IL1RAPL1: variants seen among roughly 807,000 people sequenced by gnomAD.
IL1RAPL1 encodes the protein interleukin 1 receptor accessory protein like 1, also known as interleukin-1 receptor accessory protein-like 1.
Under a neutral mutation model 48.4 loss-of-function variants are expected in IL1RAPL1, and 3 were observed. The observed-to-expected ratio is 0.06, with a 90% CI of 0.03 to 0.16. The LOEUF (loss-of-function observed/expected upper bound fraction) is 0.16. Among genes scored for constraint, IL1RAPL1 ranks in the 10% least tolerant of loss-of-function variants. The pLI, the probability that IL1RAPL1 is intolerant of heterozygous loss-of-function variation, is 1.00. For missense variants in IL1RAPL1, 349 were observed against 530.6 expected (o/e 0.66, Z 3.36); for synonymous variants, 185 against 187.7 (o/e 0.99, Z 0.12).
chrX:29,891,129 C>T (rs1378660793), intron 6 of IL1RAPL1, among the ~76,000 whole-genome samples: 1 of 112,088 alleles, frequency 8.9e-6, no homozygotes, highest in Non-Finnish European at 1.9e-5. Context: ...AAAGGGGTCT[C>T]TACACTCTGC....
In IL1RAPL1 at chrX:29,100,608, A is replaced by T. The variant is rs766103620; in HGVS notation, c.83-182330A>T. ...AAGTACAGAGGCATGCTTAAGTCAA[A>T]TTTAGTTTAACATGTGGTAGTTAGA... On this transcript the variant is annotated intron_variant, in intron 2 of 10. Transcript: ENST00000378993. 3.6e-5 allele frequency among the ~76,000 whole-genome samples: 4 copies of T among 112,063 alleles called. No homozygotes were observed. In the South Asian group the frequency reaches 1.5e-3, roughly 42 times the overall value.
In IL1RAPL1 at chrX:29,407,656, T is replaced by C. The variant is rs141606950; in HGVS notation, c.703+8348T>C. Among the ~76,000 whole-genome samples, 593 of 111,943 alleles carry C rather than the reference T, an allele frequency of 5.3e-3. 6 individuals are homozygous for C. The highest frequency in any genetic ancestry group is 0.018 in the African/African-American group (563 of 30,822). On this transcript the variant is annotated intron_variant, in intron 5 of 10. Transcript: ENST00000378993. ...TAAGCAAGCAATTCTGTAGGATTTT[T>C]ACCTAGGAAAGGATTTGCTCATTAA... is the stretch of plus-strand genomic sequence containing the variant.
rs564338988 is a variant in IL1RAPL1 at position 28,827,529 on chromosome X, C to G, written c.82+38104C>G. Among the ~76,000 whole-genome samples the G allele has an allele frequency of 2.7e-4, 30 of 111,493 alleles. No homozygotes were observed. In the South Asian group the frequency reaches 8.6e-3, roughly 32 times the overall value. On this transcript the variant is annotated intron_variant, in intron 2 of 10. Transcript: ENST00000378993. The stretch of plus-strand genomic sequence containing the variant: ...TTTTTTAATTCATAAAAAGAACCCC[C>G]AATTGTCTTGATCTTTTTTCTAAAA...
At chrX:28,704,520 A>G (rs73205779) in intron 1 of IL1RAPL1, among the ~76,000 whole-genome samples, 21,552 of 106,689 alleles carry the variant, frequency 0.2, 2,030 homozygotes, top group Admixed American at 0.35. Context: ...GGAGATCCAG[A>G]AGCAATTCCA....
At chrX:29,616,478 C>T (rs1227387746) in intron 5 of IL1RAPL1, among the ~76,000 whole-genome samples, 1 of 103,066 alleles carries the variant, frequency 9.7e-6, no homozygotes, top group African/African-American at 3.5e-5. Flanking sequence ...ATCCCTCCCC[C>T]CTCCCCCTAC....
At chrX:29,565,747 G>A (rs1374367781) in intron 5 of IL1RAPL1, among the ~76,000 whole-genome samples, 1 of 111,557 alleles carries the variant, frequency 9.0e-6, no homozygotes, top group African/African-American at 3.3e-5. Flanking sequence ...ACTAATACAT[G>A]TATATAAAAA....
rs141636899 is a variant in IL1RAPL1 at position 29,879,946 on chromosome X, G to A, written c.779-37518G>A. Among the ~76,000 whole-genome samples, 606 of 111,249 alleles carry A rather than the reference G, an allele frequency of 5.4e-3. 7 individuals are homozygous for A. Among genetic ancestry groups the A allele is most frequent in the African/African-American group, 0.018 (566 of 30,740 alleles). On this transcript the variant is annotated intron_variant, in intron 6 of 10. Transcript: ENST00000378993. ...GAGCCTCTCTTTGCATATGAGATTA[G>A]TACACTGTTCTCATGCTTATTTTGT...
chrX:29,488,721 A>G (rs992655812), intron 5 of IL1RAPL1, among the ~76,000 whole-genome samples: 3 of 111,444 alleles, frequency 2.7e-5, no homozygotes, highest in Non-Finnish European at 5.7e-5. Context: ...TGGTGCACAT[A>G]TAACTATGAG....
chrX:29,956,347 A>T lies in IL1RAPL1; in HGVS notation c.*527A>T, dbSNP rs1025015394. Reference sequence around the variant, plus strand: ...TCGGGGGAAAAAAAAAAAAAAAAAAAAAAGATGAGAAGAACACTTGTTCAT... The same window carrying T: ...TCGGGGGAAAAAAAAAAAAAAAAAATAAAGATGAGAAGAACACTTGTTCAT... On this transcript the variant is annotated 3_prime_UTR_variant, in exon 11 of 11. Transcript: ENST00000378993. 4.5e-5 allele frequency: 5 copies of T among 110,381 alleles called. No individual in the cohort carries two copies. Among genetic ancestry groups the T allele is most frequent in the African/African-American group, 1.7e-4 (5 of 28,979 alleles). 9.1% of individuals were successfully genotyped at this position (110,381 alleles called of 1,213,427 possible). A position where few individuals can be genotyped will look rare whatever the true frequency, so the allele number is the denominator to read the frequency against.
intron 5 of IL1RAPL1, among the ~76,000 whole-genome samples, chrX:29,661,787 T>C (rs1466339592): frequency 1.8e-5 from 2 of 111,875 alleles, no homozygotes; most frequent in Non-Finnish European, 3.8e-5. Flanking sequence ...TCATGAACAT[T>C]CGTTTATAAT....
chrX:29,898,210 T>C (rs747581012), intron 6 of IL1RAPL1, among the ~76,000 whole-genome samples: 78 of 112,068 alleles, frequency 7.0e-4, no homozygotes, highest in African/African-American at 2.4e-3. Context: ...AGTTTTGAAA[T>C]GATTTGCTGT....
At chrX:29,690,591 T>G (rs1278792308) in intron 6 of IL1RAPL1, among the ~76,000 whole-genome samples, 1 of 111,613 alleles carries the variant, frequency 9.0e-6, no homozygotes, top group East Asian at 2.8e-4. Context: ...TCAAGTTTAA[T>G]GGAATTTAAA....
chrX:29,095,809 C>T (rs537438137), intron 2 of IL1RAPL1, among the ~76,000 whole-genome samples: 2 of 107,333 alleles, frequency 1.9e-5, no homozygotes, highest in South Asian at 8.3e-4. Flanking sequence ...AGAGGGCTGC[C>T]TAGAGATAAG....
At chrX:29,047,301 T>C (rs183156195) in intron 2 of IL1RAPL1, among the ~76,000 whole-genome samples, 27 of 112,070 alleles carry the variant, frequency 2.4e-4, no homozygotes, top group African/African-American at 8.7e-4. Flanking sequence ...GTTTGAAGAA[T>C]GACAATATGA....
At chrX:29,541,016 A>T (rs779417204) in intron 5 of IL1RAPL1, among the ~76,000 whole-genome samples, 10 of 111,998 alleles carry the variant, frequency 8.9e-5, no homozygotes, top group Non-Finnish European at 1.1e-4. Flanking sequence ...GGGAGAAAAT[A>T]TTTGCAAATA....
At chrX:29,518,503 G>A (rs12556817) in intron 5 of IL1RAPL1, among the ~76,000 whole-genome samples, 3 of 110,892 alleles carry the variant, frequency 2.7e-5, no homozygotes, top group Non-Finnish European at 3.8e-5. Flanking sequence ...GATGATTAGG[G>A]TGTGCCTTAT....
chrX:29,705,359 C>T (rs764588601), intron 6 of IL1RAPL1, among the ~76,000 whole-genome samples: 9 of 111,134 alleles, frequency 8.1e-5, no homozygotes, highest in African/African-American at 1.3e-4. Context: ...GGATTACAGG[C>T]GCCCACCACC....
At chrX:28,673,048 G>A (rs1934962857) in intron 1 of IL1RAPL1, among the ~76,000 whole-genome samples, 1 of 111,655 alleles carries the variant, frequency 9.0e-6, no homozygotes, top group South Asian at 3.7e-4. Context: ...GTGAGAACAT[G>A]TGGTATTTGG....
At chrX:29,938,916 AC>A (rs1933078867) in intron 8 of IL1RAPL1, among the ~76,000 whole-genome samples, 2 of 112,320 alleles carry the variant, frequency 1.8e-5, no homozygotes, top group African/African-American at 6.5e-5. Context: ...TCAGTAGTTT[AC>A]TACTTTTATT....
Sources: gnomAD v4.1 joint callset for allele counts (sites outside exome capture counted in the v4.1 genomes callset) on GRCh38, gnomAD v4.1.1 for gene constraint, MANE v1.5 for transcripts, NCBI Gene and HGNC (gene_info 2026-07-23, HGNC 2026-07-21) for gene names.